NEGR1: variants seen among roughly 807,000 people sequenced by gnomAD.
NEGR1 encodes the protein neuronal growth regulator 1, also known as IgLON family member 4.
A neutral mutation model predicts 40.9 loss-of-function variants in NEGR1; 10 were observed. The ratio of observed to expected loss-of-function variants is 0.24; its 90% CI spans 0.15 to 0.42. NEGR1 has a LOEUF of 0.42. Ranked by LOEUF, NEGR1 falls within the 10% of genes least tolerant of loss-of-function variation. NEGR1 has a pLI of 1.00. For synonymous variants in NEGR1, 185 were observed against 166.8 expected, an observed-to-expected ratio of 1.11 and a Z score of -0.84; for missense variants, 352 against 438.9, an observed-to-expected ratio of 0.80 and a Z score of 1.77.
At chr1:71,652,990 G>A (rs1379353752) in intron 4 of NEGR1, among the ~76,000 whole-genome samples, 2 of 152,098 alleles carry the variant, frequency 1.3e-5, no homozygotes, top group East Asian at 1.9e-4. Context: ...TCAGACACAG[G>A]TATTCACTGA....
intron 2 of NEGR1, among the ~76,000 whole-genome samples, chr1:71,778,297 C>T (rs946344702): frequency 1.3e-5 from 2 of 151,920 alleles, no homozygotes; most frequent in African/African-American, 2.4e-5. Context: ...GTAGAAAGCA[C>T]ATTTTGAGTA....
chr1:72,221,210 C>A (rs1351742596), intron 1 of NEGR1, among the ~76,000 whole-genome samples: 1 of 151,940 alleles, frequency 6.6e-6, no homozygotes, highest in East Asian at 1.9e-4. Context: ...CTCTATATTC[C>A]TATGTCCAAA....
intron 2 of NEGR1, among the ~76,000 whole-genome samples, chr1:71,908,454 A>C (rs1415116147): frequency 6.6e-6 from 1 of 152,144 alleles, no homozygotes; most frequent in Non-Finnish European, 1.5e-5. Context: ...AAAGGCAGGG[A>C]CCCAACATGA....
At chr1:71,611,247 A>T in intron 4 of NEGR1, 101 bp from the exon 5 acceptor site, 2 of 1,088,400 alleles carry the variant, frequency 1.8e-6, no homozygotes, top group East Asian at 5.1e-5. Context: ...TATTCAAAGC[A>T]ATCTTATGCC....
chr1:71,606,755 T>C (rs1332399781), intron 5 of NEGR1, among the ~76,000 whole-genome samples: 1 of 152,150 alleles, frequency 6.6e-6, no homozygotes, highest in African/African-American at 2.4e-5. Flanking sequence ...TGTTTTTTTT[T>C]TTTTTCCTCA....
At chr1:72,025,381 G>T (rs1327594113) in intron 1 of NEGR1, among the ~76,000 whole-genome samples, 2 of 152,116 alleles carry the variant, frequency 1.3e-5, no homozygotes, top group African/African-American at 4.8e-5. Flanking sequence ...TGCAAAACTT[G>T]TTTATAAAAA....
intron 1 of NEGR1, among the ~76,000 whole-genome samples, chr1:72,153,051 A>G (rs1269075223): frequency 2.0e-5 from 3 of 151,974 alleles, no homozygotes; most frequent in Non-Finnish European, 4.4e-5. Context: ...AATAGGATCC[A>G]TACCCTAAAC....
At chr1:71,452,521 C>T (rs1003382710) in intron 6 of NEGR1, among the ~76,000 whole-genome samples, 2 of 152,150 alleles carry the variant, frequency 1.3e-5, no homozygotes, top group African/African-American at 4.8e-5. Flanking sequence ...AAAGAATTCA[C>T]TGGAAAAAAT....
intron 6 of NEGR1, among the ~76,000 whole-genome samples, chr1:71,428,042 CT>C (rs1327915248): frequency 6.6e-6 from 1 of 151,952 alleles, no homozygotes; most frequent in Non-Finnish European, 1.5e-5. Flanking sequence ...ACACACTGTC[CT>C]TATGCATAGC....
chr1:71,560,672 G>A (rs1446600773), intron 6 of NEGR1, among the ~76,000 whole-genome samples: 2 of 150,768 alleles, frequency 1.3e-5, no homozygotes, highest in Non-Finnish European at 3.0e-5. Context: ...AAAACATTTT[G>A]TGTCTCATAA....
chr1:71,834,909 A>ACACACACACACAC (rs1553168608), intron 2 of NEGR1, among the ~76,000 whole-genome samples: 3 of 151,742 alleles, frequency 2.0e-5, no homozygotes, highest in Non-Finnish European at 4.4e-5. Context: ...ACACACACAC[A>ACACACACACACAC]GCAGTTATCT....
At chr1:71,648,960 CCTT>C (rs1218118337) in intron 4 of NEGR1, among the ~76,000 whole-genome samples, 1 of 151,996 alleles carries the variant, frequency 6.6e-6, no homozygotes, top group Admixed American at 6.6e-5. Flanking sequence ...TCCAATGACT[CCTT>C]CTAAAGACTA....
At chr1:71,505,550 G>A (rs1442347748) in intron 6 of NEGR1, among the ~76,000 whole-genome samples, 1 of 151,930 alleles carries the variant, frequency 6.6e-6, no homozygotes, top group African/African-American at 2.4e-5. Flanking sequence ...CAAAGTGCTG[G>A]GATTACAGGC....
At chr1:71,732,507 T>TGTGC (rs913707722) in intron 3 of NEGR1, among the ~76,000 whole-genome samples, 2 of 151,124 alleles carry the variant, frequency 1.3e-5, no homozygotes, top group African/African-American at 4.9e-5. Flanking sequence ...TGTGTGTGTG[T>TGTGC]GTGTGTGTGT....
At chr1:71,563,754 C>T (rs1648532538) in intron 6 of NEGR1, among the ~76,000 whole-genome samples, 1 of 151,774 alleles carries the variant, frequency 6.6e-6, no homozygotes, top group Admixed American at 6.6e-5. Context: ...AGGGTGAAGA[C>T]TTTAATAAAT....
chr1:72,087,887 C>T (rs1469501027), intron 1 of NEGR1, among the ~76,000 whole-genome samples: 27 of 151,762 alleles, frequency 1.8e-4, no homozygotes, highest in Admixed American at 1.8e-3. Context: ...AGTCACTGCA[C>T]CCTGCCAGAG....
chr1:71,871,743 C>T (rs919569488), intron 2 of NEGR1, among the ~76,000 whole-genome samples: 13 of 152,244 alleles, frequency 8.5e-5, no homozygotes, highest in African/African-American at 2.9e-4. Context: ...TTTATTGAGG[C>T]ACAGATATAT....
intron 1 of NEGR1, among the ~76,000 whole-genome samples, chr1:72,197,640 T>G (rs979820871): frequency 6.6e-6 from 1 of 152,002 alleles, no homozygotes; most frequent in Non-Finnish European, 1.5e-5. Context: ...AATATATATT[T>G]CCAAATGCTG....
At chr1:71,923,603 A>G (rs572054284) in intron 2 of NEGR1, among the ~76,000 whole-genome samples, 14 of 152,306 alleles carry the variant, frequency 9.2e-5, no homozygotes, top group African/African-American at 3.4e-4. Flanking sequence ...GTTAGGGTAG[A>G]CATGTCTCAC....
Sources: allele counts gnomAD v4.1 joint callset (sites outside exome capture counted in the v4.1 genomes callset), GRCh38; gene constraint gnomAD v4.1.1; transcripts MANE v1.5; gene names NCBI Gene and HGNC (gene_info 2026-07-23, HGNC 2026-07-21).